KCTD3: variants seen among roughly 807,000 people sequenced by gnomAD.
KCTD3 encodes BTB/POZ domain-containing protein KCTD3.
KCTD3 carries 41 observed loss-of-function variants against 85.8 expected under a neutral mutation model. The ratio of observed to expected loss-of-function variants is 0.48; its 90% CI spans 0.37 to 0.62. The LOEUF is 0.62. Ranked by LOEUF, KCTD3 falls within the 20% of genes least tolerant of loss-of-function variation. The probability of loss-of-function intolerance (pLI) is 0.00; values close to 1 mark genes in which losing one functional copy is unlikely to be tolerated. For synonymous variants in KCTD3, 338 were observed against 345.4 expected (o/e 0.98, Z 0.24); for missense variants, 724 against 989.9 (o/e 0.73, Z 3.60).
At chr1:215,603,530 T>G (rs1654909799) in intron 12 of KCTD3, among the ~76,000 whole-genome samples, 2 of 152,186 alleles carry the variant, frequency 1.3e-5, no homozygotes, top group African/African-American at 4.8e-5. Context: ...ATGTAAGCAA[T>G]GTAATGGGTA....
chr1:215,611,967 G>A, intron 15 of KCTD3, 46 bp downstream of exon 15: 4 of 1,272,326 alleles, frequency 3.1e-6, no homozygotes, highest in Non-Finnish European at 4.6e-6. Flanking sequence ...GCCACCTTTT[G>A]TCTTACAAAA....
In KCTD3 at chr1:215,567,643, G is replaced by C. The variant is rs1659182848; in HGVS notation, c.-43G>C. The C allele has an allele frequency of 2.0e-5, 23 of 1,177,534 alleles. No individual in the cohort carries two copies. The highest frequency in any genetic ancestry group is 2.3e-5 in the Non-Finnish European group (22 of 945,188). 72.9% of individuals were successfully genotyped at this position (1,177,534 alleles called of 1,614,324 possible). The stretch of plus-strand genomic sequence containing the variant: ...CTACAGCCCCGGGCTCGGCGGTCCC[G>C]GCTGGGGAAGGAGGGCGGCGAGCGC... On this transcript the variant is annotated 5_prime_UTR_variant, in exon 1 of 18. Transcript: ENST00000259154.
intron 8 of KCTD3, 85 bp downstream of exon 8, chr1:215,580,084 A>T (rs1051907841): frequency 3.5e-6 from 3 of 869,430 alleles, no homozygotes; most frequent in Admixed American, 2.2e-5. Context: ...TTGAAAAGCT[A>T]TTTTTTTTTA....
At chr1:215,579,868 C>T (rs756425451) in intron 7 of KCTD3, 41 bp from the exon 8 acceptor site, 79 of 1,450,264 alleles carry the variant, frequency 5.4e-5, no homozygotes, top group Middle Eastern at 3.5e-4. Context: ...TGCCAACCCC[C>T]GGTTTAGAAT....
At chr1:215,576,766 C>T (rs572017046) in intron 4 of KCTD3, among the ~76,000 whole-genome samples, 1 of 152,130 alleles carries the variant, frequency 6.6e-6, no homozygotes, top group African/African-American at 2.4e-5. Context: ...GATGGGGTTT[C>T]ACCGTTTTAG....
intron 1 of KCTD3, among the ~76,000 whole-genome samples, chr1:215,572,750 G>A (rs538200641): frequency 1.1e-4 from 16 of 152,342 alleles, no homozygotes; most frequent in African/African-American, 3.1e-4. Context: ...GGTTTGGCCT[G>A]TGTTTCCTGG....
intron 9 of KCTD3, among the ~76,000 whole-genome samples, chr1:215,590,428 CCCTT>C (rs976865489): frequency 2.6e-5 from 4 of 152,082 alleles, no homozygotes; most frequent in African/African-American, 9.7e-5. Context: ...GTACCTGTCT[CCCTT>C]CCTCTTTTCT....
intron 13 of KCTD3, among the ~76,000 whole-genome samples, chr1:215,606,236 G>A (rs534427984): frequency 3.1e-4 from 47 of 152,134 alleles, no homozygotes; most frequent in African/African-American, 1.1e-3. Context: ...TGTCATTCTG[G>A]TGCCGTTTCA....
At chr1:215,573,906 C>A in intron 2 of KCTD3, 67 bp downstream of exon 2, 1 of 1,114,746 alleles carries the variant, frequency 9.0e-7, no homozygotes, top group Non-Finnish European at 1.3e-6. Flanking sequence ...TAATGTTTGT[C>A]AGTTAAATTT....
chr1:215,603,933 G>A (rs1038547021), intron 12 of KCTD3, among the ~76,000 whole-genome samples, 199 bp from the exon 13 acceptor site: 13 of 152,048 alleles, frequency 8.5e-5, no homozygotes, highest in Non-Finnish European at 1.6e-4. Flanking sequence ...GTGAGGGTTA[G>A]GAAAAGATTT....
chr1:215,577,147 C>G (rs1305465783), intron 4 of KCTD3, among the ~76,000 whole-genome samples: 2 of 133,658 alleles, frequency 1.5e-5, no homozygotes, highest in African/African-American at 5.6e-5. Flanking sequence ...TTTTTTTTTT[C>G]TATTTTATTT....
chr1:215,587,526 T>C (rs1660057443), intron 9 of KCTD3, among the ~76,000 whole-genome samples: 1 of 152,232 alleles, frequency 6.6e-6, no homozygotes, highest in Non-Finnish European at 1.5e-5. Flanking sequence ...ATTGCATAAC[T>C]TAAGTAACAT....
At chr1:215,612,047 TATCTC>T in intron 15 of KCTD3, 126 bp downstream of exon 15, 4 of 634,280 alleles carry the variant, frequency 6.3e-6, no homozygotes, top group Non-Finnish European at 1.1e-5. Flanking sequence ...AGAAGTCTGT[TATCTC>T]ATAATCATAA....
intron 6 of KCTD3, 102 bp downstream of exon 6, chr1:215,578,183 T>C (rs1330742154): frequency 1.2e-6 from 1 of 858,234 alleles, no homozygotes; most frequent in Non-Finnish European, 1.8e-6. Flanking sequence ...GAGTTTTTTG[T>C]CTATAAATCT....
Position 215,567,564 on chromosome 1 carries a change from G to C in KCTD3, c.-122G>C, listed in dbSNP as rs1052360351. 7.0e-6 allele frequency: 3 copies of C among 427,504 alleles called. No individual in the cohort carries two copies. The highest frequency in any genetic ancestry group is 2.1e-5 in the African/African-American group (1 of 48,012). 26.5% of individuals were successfully genotyped at this position (427,504 alleles called of 1,614,324 possible). A position where few individuals can be genotyped will look rare whatever the true frequency, so the allele number is the denominator to read the frequency against. On this transcript the variant is annotated 5_prime_UTR_variant, in exon 1 of 18. Transcript: ENST00000259154. ...GTGGGGGAAGCCCCGTGCACCCCCC[G>C]CCCTCCGGCCGCCGCCGCCCCGCTG...
chr1:215,578,920 G>T, intron 6 of KCTD3, 80 bp from the exon 7 acceptor site: 1 of 924,666 alleles, frequency 1.1e-6, no homozygotes, highest in East Asian at 3.0e-5. Flanking sequence ...TCACATTTTT[G>T]TTTCTTTGTC....
At chr1:215,597,691 G>C (rs777247780) in intron 10 of KCTD3, among the ~76,000 whole-genome samples, 2 of 152,140 alleles carry the variant, frequency 1.3e-5, no homozygotes, top group Non-Finnish European at 2.9e-5. Context: ...TCTGTGGTCT[G>C]ATGGGCTAGG....
intron 15 of KCTD3, among the ~76,000 whole-genome samples, chr1:215,616,459 C>T (rs530986493): frequency 1.3e-5 from 2 of 152,086 alleles, no homozygotes; most frequent in South Asian, 2.1e-4. Flanking sequence ...TTTATATTGG[C>T]GAAATATTAA....
intron 17 of KCTD3, among the ~76,000 whole-genome samples, 177 bp from the exon 18 acceptor site, chr1:215,619,880 T>G (rs1365239895): frequency 6.6e-6 from 1 of 152,170 alleles, no homozygotes; most frequent in African/African-American, 2.4e-5. Flanking sequence ...CATTGGTAAT[T>G]TTATATACCA....
Sources: allele counts gnomAD v4.1 joint callset (sites outside exome capture counted in the v4.1 genomes callset), GRCh38; gene constraint gnomAD v4.1.1; transcripts MANE v1.5; gene names NCBI Gene and HGNC (gene_info 2026-07-23, HGNC 2026-07-21).